The following CTNS variants were observed in gnomAD, a reference collection of about 807,000 sequenced individuals.
The protein encoded by CTNS is cystinosin, lysosomal cystine transporter, also known as cystinosin.
In CTNS, 27 loss-of-function variants were observed where a neutral mutation model predicts 43.7. The observed-to-expected ratio is 0.62, with a 90% CI of 0.46 to 0.85. The LOEUF (loss-of-function observed/expected upper bound fraction) is 0.85, where lower values mean the gene tolerates loss of function less well. CTNS is among the 40% of genes least tolerant of loss of function. The pLI is 0.00. For missense variants in CTNS, 457 were observed against 475.4 expected, an observed-to-expected ratio of 0.96 and a Z score of 0.36; for synonymous variants, 187 against 190.6, an observed-to-expected ratio of 0.98 and a Z score of 0.16.
Position 3,637,280 on chromosome 17 carries a change from T to C in CTNS, c.-56T>C, listed in dbSNP as rs771868957. The C allele has an allele frequency of 2.6e-5, 4 of 152,136 alleles. No homozygotes were observed. The highest frequency in any genetic ancestry group is 4.4e-5 in the Non-Finnish European group (3 of 68,034). 9.4% of individuals were successfully genotyped at this position (152,136 alleles called of 1,614,324 possible). A position where few individuals can be genotyped will look rare whatever the true frequency, so the allele number is the denominator to read the frequency against. On this transcript the variant is annotated 5_prime_UTR_variant, in exon 2 of 12. Coordinates refer to ENST00000046640, the MANE Select transcript of CTNS (RefSeq NM_004937.3). ...TCCAGTAACATTGAGGATTACTGTG[T>C]TTTGTGAGAGCTCGCTAGGCGCCCT...
intron 5 of CTNS, among the ~76,000 whole-genome samples, chr17:3,653,116 C>G (rs548938065): frequency 6.6e-6 from 1 of 152,246 alleles, no homozygotes; most frequent in East Asian, 1.9e-4. Context: ...CAGAGCAAGA[C>G]CTGCCTCTCG....
intron 9 of CTNS, chr17:3,657,610 G>A (rs1007524073): frequency 3.0e-5 from 9 of 300,238 alleles, no homozygotes; most frequent in East Asian, 2.4e-4. Context: ...CTGCCGGGTC[G>A]TGGGACGAGT....
chr17:3,654,680 C>CAAAAAA (rs560988939), intron 5 of CTNS, among the ~76,000 whole-genome samples: 1 of 82,528 alleles, frequency 1.2e-5, no homozygotes, highest in East Asian at 5.1e-4. Flanking sequence ...GACTCCGTCT[C>CAAAAAA]AAAAAAAAAA....
chr17:3,659,335 T>TG (rs1393579965), intron 10 of CTNS, among the ~76,000 whole-genome samples: 1 of 152,092 alleles, frequency 6.6e-6, no homozygotes, highest in East Asian at 1.9e-4. Flanking sequence ...GCCAGGCCTG[T>TG]GGGGGGCGTT....
In CTNS at chr17:3,639,681, T is replaced by A. The variant is rs1038417525; in HGVS notation, c.-19-507T>A. Among the ~76,000 whole-genome samples, 31 of 139,386 alleles carry A rather than the reference T, an allele frequency of 2.2e-4. 1 individual carries two copies. Among genetic ancestry groups the A allele is most frequent in the Admixed American group, 1.9e-3 (27 of 14,068 alleles). The allele number at this position is 139,386 out of a possible 152,430, so 91.4% of individuals were successfully genotyped here. The stretch of plus-strand genomic sequence containing the variant: ...AGACTCTGTCTCAAAAAAAAAAAAA[T>A]TTAAATATGTATATTAAAAAAAAAT... On this transcript the variant is annotated intron_variant, in intron 2 of 11. Transcript: ENST00000046640.
chr17:3,643,542 G>A (rs1347627534), intron 3 of CTNS, among the ~76,000 whole-genome samples: 1 of 151,932 alleles, frequency 6.6e-6, no homozygotes, highest in Non-Finnish European at 1.5e-5. Flanking sequence ...CAGCGTGAGC[G>A]ACATAGTGAG....
chr17:3,643,438 T>C lies in CTNS; in HGVS notation c.61+3171T>C, dbSNP rs1261758690. On this transcript the variant is annotated intron_variant, in intron 3 of 11. Coordinates refer to ENST00000046640, the MANE Select transcript of CTNS (RefSeq NM_004937.3). The stretch of plus-strand genomic sequence containing the variant: ...GAGAGAGGCCTATAAGAATTAATTT[T>C]AAAAACCTGGCCAAGCATGGTGGCT... Among the ~76,000 whole-genome samples the C allele has an allele frequency of 3.3e-5, 5 of 152,006 alleles. 1 individual carries two copies. Among genetic ancestry groups the C allele is most frequent in the African/African-American group, 1.2e-4 (5 of 41,442 alleles).
chr17:3,660,580 C>A lies in CTNS; in HGVS notation c.*211C>A. The A allele has an allele frequency of 6.2e-7, 1 of 1,613,210 alleles. No individual in the cohort carries two copies. The highest frequency in any genetic ancestry group is 8.5e-7 in the Non-Finnish European group (1 of 1,180,000). Reference sequence around the variant, plus strand: ...TGGGCCTCCCCGGCCAGGCACGTGGCACCGTCGCCTTGACACCGCCATCTC... The same window carrying A: ...TGGGCCTCCCCGGCCAGGCACGTGGAACCGTCGCCTTGACACCGCCATCTC... On this transcript the variant is annotated 3_prime_UTR_variant, in exon 12 of 12. Transcript: ENST00000046640.
At chr17:3,649,010 G>A in intron 5 of CTNS, 79 bp downstream of exon 5, 1 of 1,231,710 alleles carries the variant, frequency 8.1e-7, no homozygotes, top group Non-Finnish European at 1.2e-6. Flanking sequence ...GGTGGAAACA[G>A]GTCTCCTAGG....
At chr17:3,656,910 C>G in intron 9 of CTNS, 115 bp downstream of exon 9, 1 of 1,524,292 alleles carries the variant, frequency 6.6e-7, no homozygotes, top group Non-Finnish European at 8.9e-7. Context: ...GTTCATTCAT[C>G]CAGGTCCTGT....
At position 3,656,696 on chromosome 17, in the gene CTNS, C is replaced by T; in HGVS notation, c.582C>T (p.Tyr194=). ...AACAGGAGCAGTTTCTCCTCAAATA[C>T]CCCAACGGAGTGAACCCCGTGAACA... is the stretch of plus-strand genomic sequence containing the variant. ...PYIKEQFLLK[Y]PNGVNPVNSN... is the part of the protein sequence containing the mutation. Residue 194 remains tyrosine, a synonymous_variant, in exon 9 of 12, where the codon TAC becomes TAT. Transcript: ENST00000046640. 6.2e-7 allele frequency: 1 copy of T among 1,613,258 alleles called. No individual in the cohort carries two copies. Among genetic ancestry groups the T allele is most frequent in the Non-Finnish European group, 8.5e-7 (1 of 1,179,896 alleles).
At chr17:3,651,383 G>A (rs746026069) in intron 5 of CTNS, among the ~76,000 whole-genome samples, 5 of 151,988 alleles carry the variant, frequency 3.3e-5, no homozygotes, top group Non-Finnish European at 7.4e-5. Context: ...GAGCCACCAC[G>A]CCTGGCCAAA....
chr17:3,647,130 G>A (rs931173617), intron 3 of CTNS, among the ~76,000 whole-genome samples: 21 of 152,300 alleles, frequency 1.4e-4, no homozygotes, highest in African/African-American at 5.1e-4. Context: ...GAATTCCCCT[G>A]TAATGATTTT....
intron 3 of CTNS, among the ~76,000 whole-genome samples, chr17:3,641,374 ATATATATATATTTTTTTTTT>A (rs1236540220): frequency 2.7e-5 from 1 of 37,430 alleles, no homozygotes; most frequent in Admixed American, 3.2e-4. Flanking sequence ...ATATATATAT[ATATATATATATTTTTTTTTT>A]TTTTTTTTTT....
chr17:3,643,239 G>A (rs1386410463), intron 3 of CTNS, among the ~76,000 whole-genome samples: 2 of 151,842 alleles, frequency 1.3e-5, no homozygotes, highest in Admixed American at 6.6e-5. Flanking sequence ...GCTTGAACCC[G>A]GGAGGCAGAG....
At chr17:3,650,912 C>T (rs1487356364) in intron 5 of CTNS, among the ~76,000 whole-genome samples, 1 of 152,122 alleles carries the variant, frequency 6.6e-6, no homozygotes, top group Non-Finnish European at 1.5e-5. Flanking sequence ...AAGCGATTCT[C>T]CTGCCTCAGC....
In CTNS at chr17:3,646,165, G is replaced by A. The variant is rs540158046; in HGVS notation, c.62-1279G>A. Among the ~76,000 whole-genome samples the A allele has an allele frequency of 3.9e-5, 6 of 152,316 alleles. No homozygotes were observed. In the South Asian group the frequency reaches 1.2e-3, roughly 32 times the overall value. The stretch of plus-strand genomic sequence containing the variant: ...GGAAGTGAGATGGCAGGTGTGGCAT[G>A]AGCCTTCCAGTACCCCTGGGAGCAG... On this transcript the variant is annotated intron_variant, in intron 3 of 11. Transcript: ENST00000046640.
Position 3,660,903 on chromosome 17 carries a change from C to A in CTNS, c.*534C>A. ...GAAGGCCACTTTCCTGACGTACTCT[C>A]TGTACATAACTCAGCGTCCGTGACT... On this transcript the variant is annotated 3_prime_UTR_variant, in exon 12 of 12. Coordinates refer to ENST00000046640, the MANE Select transcript of CTNS (RefSeq NM_004937.3). 1.0e-6 allele frequency: 1 copy of A among 983,932 alleles called. No individual in the cohort carries two copies. Among genetic ancestry groups the A allele is most frequent in the Non-Finnish European group, 1.5e-6 (1 of 654,724 alleles). The allele number at this position is 983,932 out of a possible 1,614,324, so 61.0% of individuals were successfully genotyped here.
intron 4 of CTNS, among the ~76,000 whole-genome samples, chr17:3,648,548 T>C (rs2075899543): frequency 6.6e-6 from 1 of 152,202 alleles, no homozygotes. Flanking sequence ...GGGAAGCCTT[T>C]CCCACCGGAG....
Sources: allele counts gnomAD v4.1 joint callset (sites outside exome capture counted in the v4.1 genomes callset), GRCh38; gene constraint gnomAD v4.1.1; transcripts MANE v1.5; gene names NCBI Gene and HGNC (gene_info 2026-07-23, HGNC 2026-07-21).